CNTN6: variants seen among roughly 807,000 people sequenced by gnomAD.
The protein encoded by CNTN6 is contactin 6.
Under a neutral mutation model 122.8 loss-of-function variants are expected in CNTN6, and 137 were observed. That is an observed-to-expected ratio of 1.12 (90% CI 0.97 to 1.29). CNTN6 has a LOEUF of 1.29. CNTN6 is among the 50% of genes most tolerant of loss of function. CNTN6 has a pLI of 0.00. For missense variants in CNTN6, 1,634 were observed against 1,223.4 expected (o/e 1.34, Z -5.01); for synonymous variants, 570 against 426.0 (o/e 1.34, Z -4.16).
intron 4 of CNTN6, among the ~76,000 whole-genome samples, chr3:1,266,136 G>T (rs995438900): frequency 2.6e-5 from 4 of 151,758 alleles, no homozygotes; most frequent in African/African-American, 9.7e-5. Flanking sequence ...CATTAAAAAT[G>T]ATGACAGAAA....
At chr3:1,313,993 A>G (rs1272554313) in intron 7 of CNTN6, among the ~76,000 whole-genome samples, 22 of 152,066 alleles carry the variant, frequency 1.4e-4, no homozygotes, top group Admixed American at 1.4e-3. Flanking sequence ...TCCTAATACT[A>G]TCACCTTAGG....
intron 2 of CNTN6, among the ~76,000 whole-genome samples, chr3:1,186,002 A>G (rs2093623424): frequency 6.6e-6 from 1 of 152,140 alleles, no homozygotes; most frequent in South Asian, 2.1e-4. Flanking sequence ...AAAACAATTC[A>G]CCAAACAGTA....
In CNTN6 at chr3:1,383,303, G is replaced by A. The variant is rs1692229740; in HGVS notation, c.2412G>A (p.Leu804=). The A allele has an allele frequency of 1.2e-6, 2 of 1,613,598 alleles. No homozygotes were observed. The highest frequency in any genetic ancestry group is 1.7e-5 in the Admixed American group (1 of 60,022). Residue 804 remains leucine (L), a synonymous_variant, in exon 19 of 23, where the codon CTG becomes CTA. Transcript: ENST00000446702. ...TTCTCTGGATGGTAGAACCTCAACTGGCCCCAAGGGGAACTTCTCTCCAGA... is the reference window on the plus strand; with the variant it reads ...TTCTCTGGATGGTAGAACCTCAACTAGCCCCAAGGGGAACTTCTCTCCAGA... ...IVYSGEDEPQ[L]APRGTSLQSF...
chr3:1,206,120 T>A (rs1023520069), intron 2 of CNTN6, among the ~76,000 whole-genome samples: 1 of 152,170 alleles, frequency 6.6e-6, no homozygotes, highest in Non-Finnish European at 1.5e-5. Context: ...AATCTTTCCA[T>A]GTCCATATTG....
At chr3:1,289,371 A>G (rs1030315801) in intron 5 of CNTN6, among the ~76,000 whole-genome samples, 1 of 152,156 alleles carries the variant, frequency 6.6e-6, no homozygotes, top group African/African-American at 2.4e-5. Context: ...TTACATCTTC[A>G]CCAATTCAGA....
chr3:1,367,767 A>G (rs1398171118), intron 12 of CNTN6, among the ~76,000 whole-genome samples: 3 of 152,212 alleles, frequency 2.0e-5, no homozygotes, highest in Admixed American at 6.5e-5. Context: ...GGGCATGGGC[A>G]CATCAGAACC....
chr3:1,163,769 G>C (rs1458255210), intron 2 of CNTN6, among the ~76,000 whole-genome samples: 2 of 152,124 alleles, frequency 1.3e-5, no homozygotes, highest in East Asian at 1.9e-4. Flanking sequence ...AGTTAATTCA[G>C]TGAGATACTC....
chr3:1,258,439 C>T (rs2094794036), intron 4 of CNTN6, among the ~76,000 whole-genome samples: 1 of 152,100 alleles, frequency 6.6e-6, no homozygotes, highest in Non-Finnish European at 1.5e-5. Context: ...CTAATGGAAT[C>T]ACTCAATTTA....
chr3:1,102,745 A>G lies in CNTN6; in HGVS notation c.-83+9625A>G, dbSNP rs183924160. ...TCCGTCTCAAAAAATAAATAAATAC[A>G]TAAATAAGAAATAGACATGCATTAA... On this transcript the variant is annotated intron_variant, in intron 1 of 22. Transcript: ENST00000446702. Among the ~76,000 whole-genome samples, 238 of 149,442 alleles carry G rather than the reference A, an allele frequency of 1.6e-3. 4 individuals are homozygous for G. Among genetic ancestry groups the G allele is most frequent in the African/African-American group, 5.5e-3 (227 of 41,132 alleles).
chr3:1,306,606 T>G (rs1158941379), intron 7 of CNTN6, among the ~76,000 whole-genome samples: 1 of 151,962 alleles, frequency 6.6e-6, no homozygotes, highest in Non-Finnish European at 1.5e-5. Context: ...TGGATGACTT[T>G]GGTCAGTTTT....
At chr3:1,366,415 C>CTGCA (rs1304034286) in intron 12 of CNTN6, among the ~76,000 whole-genome samples, 1 of 152,054 alleles carries the variant, frequency 6.6e-6, no homozygotes, top group Non-Finnish European at 1.5e-5. Flanking sequence ...CCTCGAGTAA[C>CTGCA]TGCAGCTACT....
chr3:1,292,365 C>T (rs1693193343), intron 5 of CNTN6, among the ~76,000 whole-genome samples: 1 of 152,072 alleles, frequency 6.6e-6, no homozygotes, highest in African/African-American at 2.4e-5. Flanking sequence ...GCTTTTGCTA[C>T]ATTTTATTTT....
At chr3:1,207,300 A>T (rs1380560873) in intron 2 of CNTN6, among the ~76,000 whole-genome samples, 1 of 151,798 alleles carries the variant, frequency 6.6e-6, no homozygotes, top group Non-Finnish European at 1.5e-5. Flanking sequence ...TTTCTCCAAC[A>T]TATTACAAAT....
intron 1 of CNTN6, among the ~76,000 whole-genome samples, chr3:1,101,697 C>A (rs1477277264): frequency 1.3e-5 from 2 of 152,144 alleles, no homozygotes; most frequent in East Asian, 1.9e-4. Context: ...ATATGTCTTT[C>A]CATTGGCTCC....
At chr3:1,202,788 T>C (rs1361911083) in intron 2 of CNTN6, among the ~76,000 whole-genome samples, 1 of 152,076 alleles carries the variant, frequency 6.6e-6, no homozygotes, top group Non-Finnish European at 1.5e-5. Context: ...AACAAAAATA[T>C]TGAGTATGAG....
intron 2 of CNTN6, among the ~76,000 whole-genome samples, chr3:1,206,859 G>A (rs2093964547): frequency 6.6e-6 from 1 of 152,038 alleles, no homozygotes; most frequent in Non-Finnish European, 1.5e-5. Context: ...TTTAATTTTA[G>A]ATTCTAGTCC....
chr3:1,325,923 T>A lies in CNTN6; in HGVS notation c.1055T>A (p.Leu352Ter). 6.2e-7 allele frequency: 1 copy of A among 1,611,300 alleles called. No individual in the cohort carries two copies. The highest frequency in any genetic ancestry group is 8.5e-7 in the Non-Finnish European group (1 of 1,178,390). Residue 352 changes from leucine (L) to a stop codon, truncating the protein, a stop_gained, in exon 9 of 23, where the codon TTA becomes TAA. Transcript: ENST00000446702. LOFTEE classifies it high-confidence loss of function. ...AAGCCAAACCCTTGGTATACATGGT[T>A]AAAAAATGGTGAACGACTCAACCCA... Reference protein sequence around the residue: ...SGKPNPWYTWLKNGERLNPEE... With the variant: ...SGKPNPWYTW
At chr3:1,113,020 A>G (rs1401203244) in intron 1 of CNTN6, among the ~76,000 whole-genome samples, 1 of 152,180 alleles carries the variant, frequency 6.6e-6, no homozygotes, top group Non-Finnish European at 1.5e-5. Context: ...AATACTTGTT[A>G]CGTTCCAGGC....
At chr3:1,343,421 G>C (rs1704181521) in intron 11 of CNTN6, among the ~76,000 whole-genome samples, 1 of 151,986 alleles carries the variant, frequency 6.6e-6, no homozygotes, top group South Asian at 2.1e-4. Flanking sequence ...TCACTTCAAT[G>C]ATCAAATAAC....
Sources: allele counts gnomAD v4.1 joint callset (sites outside exome capture counted in the v4.1 genomes callset), GRCh38; gene constraint gnomAD v4.1.1; transcripts MANE v1.5; gene names NCBI Gene and HGNC (gene_info 2026-07-23, HGNC 2026-07-21).